Variants in DDR2 observed in about 807,000 individuals in gnomAD.
DDR2 encodes discoidin domain-containing receptor 2.
A neutral mutation model predicts 94.9 loss-of-function variants in DDR2; 27 were observed. That is an observed-to-expected ratio of 0.28 (90% confidence interval 0.21 to 0.39). DDR2 has a LOEUF of 0.39. DDR2 is among the 10% of genes least tolerant of loss of function. The probability of loss-of-function intolerance (pLI) is 1.00; values close to 1 mark genes in which losing one functional copy is unlikely to be tolerated. For synonymous variants in DDR2, 382 were observed against 377.2 expected (o/e 1.01, Z -0.15); for missense variants, 783 against 1,076.0 (o/e 0.73, Z 3.81).
chr1:162,743,290 C>T (rs1662699124), intron 3 of DDR2, among the ~76,000 whole-genome samples: 1 of 152,134 alleles, frequency 6.6e-6, no homozygotes, highest in Admixed American at 6.5e-5. Context: ...CCTCCTTCTT[C>T]AAGCCCATGA....
intron 2 of DDR2, among the ~76,000 whole-genome samples, chr1:162,674,038 G>A (rs1356566291): frequency 2.6e-5 from 4 of 152,106 alleles, no homozygotes; most frequent in Non-Finnish European, 5.9e-5. Flanking sequence ...TCATCTCTGA[G>A]CTCCAGATTA....
Position 162,755,210 on chromosome 1 carries a change from C to A in DDR2, c.472C>A (p.Pro158Thr). 3 of 1,614,100 alleles carry A rather than the reference C, an allele frequency of 1.9e-6. No individual in the cohort carries two copies. The highest frequency in any genetic ancestry group is 2.5e-6 in the Non-Finnish European group (3 of 1,179,998). Residue 158 changes from proline (P) to threonine (T), a missense_variant, in exon 6 of 18, where the codon CCC becomes ACC. By Grantham distance (38) the Pro-to-Thr change is conservative. Transcript: ENST00000367921. ...YDIFLKDLEP[P>T]IVARFVRFIP... ...CATTTTCCTAAAGGACTTGGAGCCG[C>A]CCATTGTAGCCAGATTTGTCCGGTT... is the stretch of plus-strand genomic sequence containing the variant.
intron 2 of DDR2, among the ~76,000 whole-genome samples, chr1:162,701,533 A>G (rs1382341886): frequency 6.6e-6 from 1 of 152,250 alleles, no homozygotes; most frequent in African/African-American, 2.4e-5. Context: ...TGTCAGGCTG[A>G]TGTCAAGTTA....
chr1:162,724,535 T>C (rs998345463), intron 3 of DDR2, among the ~76,000 whole-genome samples: 1 of 152,172 alleles, frequency 6.6e-6, no homozygotes, highest in African/African-American at 2.4e-5. Flanking sequence ...AGGTTGTGCC[T>C]TTATCACCGC....
chr1:162,694,797 A>T (rs900283319), intron 2 of DDR2, among the ~76,000 whole-genome samples: 3 of 152,216 alleles, frequency 2.0e-5, no homozygotes, highest in African/African-American at 4.8e-5. Context: ...CAGTCAAAAC[A>T]TTATTCATCA....
At position 162,755,185 on chromosome 1, in the gene DDR2, C is replaced by T. The variant is rs146062699; in HGVS notation, c.447C>T (p.Asp149=). 3.8e-5 allele frequency: 62 copies of T among 1,614,106 alleles called. No individual in the cohort carries two copies. In the African/African-American group the frequency reaches 4.8e-4, roughly 12 times the overall value. Residue 149 remains aspartate (D), a synonymous_variant, in exon 6 of 18, where the codon GAC becomes GAT. Transcript: ENST00000367921. ...QVLDGNSNPY[D]IFLKDLEPPI... Reference sequence around the variant, plus strand: ...TGGATGGAAATAGTAACCCCTATGACATTTTCCTAAAGGACTTGGAGCCGC... The same window carrying T: ...TGGATGGAAATAGTAACCCCTATGATATTTTCCTAAAGGACTTGGAGCCGC...
intron 2 of DDR2, among the ~76,000 whole-genome samples, chr1:162,680,548 A>G (rs1659351802): frequency 6.6e-6 from 1 of 152,134 alleles, no homozygotes; most frequent in South Asian, 2.1e-4. Flanking sequence ...CCTGCAGTAT[A>G]CTTTGAAGTT....
intron 2 of DDR2, among the ~76,000 whole-genome samples, chr1:162,687,852 A>G (rs1281505031): frequency 6.6e-6 from 1 of 152,172 alleles, no homozygotes; most frequent in African/African-American, 2.4e-5. Context: ...TATGCCAAGC[A>G]TTAATGGGGT....
At position 162,770,505 on chromosome 1, in the gene DDR2, G is replaced by A. The variant is rs779865754; in HGVS notation, c.1497G>A (p.Glu499=). ...RKLPEFAPGE[E]ESGCSGVVKP... is the part of the protein sequence containing the mutation. Reference sequence around the variant, plus strand: ...TCCCAGAATTTGCTCCAGGGGAGGAGGAGTCAGGTGAGGATGATGTGGTGG... The same window carrying A: ...TCCCAGAATTTGCTCCAGGGGAGGAAGAGTCAGGTGAGGATGATGTGGTGG... The change falls in exon 12 of 18, where the codon GAG becomes GAA. Residue 499 remains glutamate, a synonymous_variant. Transcript: ENST00000367921. 3 of 1,613,996 alleles carry A rather than the reference G, an allele frequency of 1.9e-6. No homozygotes were observed. Among genetic ancestry groups the A allele is most frequent in the East Asian group, 2.2e-5 (1 of 44,890 alleles).
At chr1:162,679,912 C>T (rs868528686) in intron 2 of DDR2, among the ~76,000 whole-genome samples, 9 of 152,006 alleles carry the variant, frequency 5.9e-5, no homozygotes, top group Admixed American at 2.6e-4. Context: ...TTTCGTATGC[C>T]TGTTGGCCGC....
intron 2 of DDR2, among the ~76,000 whole-genome samples, chr1:162,683,585 T>G (rs898893234): frequency 1.3e-5 from 2 of 152,156 alleles, no homozygotes; most frequent in Non-Finnish European, 2.9e-5. Context: ...GTGCTAATTT[T>G]AATCACTCAA....
At chr1:162,681,371 G>T (rs1323542898) in intron 2 of DDR2, among the ~76,000 whole-genome samples, 1 of 152,030 alleles carries the variant, frequency 6.6e-6, no homozygotes, top group Non-Finnish European at 1.5e-5. Context: ...CTCCTCTCTG[G>T]TGACAGTGGT....
chr1:162,706,519 G>A (rs972028350), intron 2 of DDR2, among the ~76,000 whole-genome samples: 1 of 152,200 alleles, frequency 6.6e-6, no homozygotes, highest in African/African-American at 2.4e-5. Flanking sequence ...CAAAGGGGCT[G>A]GTAAATGTGA....
intron 2 of DDR2, among the ~76,000 whole-genome samples, chr1:162,701,369 T>A (rs1293323939): frequency 6.6e-6 from 1 of 152,234 alleles, no homozygotes; most frequent in Non-Finnish European, 1.5e-5. Flanking sequence ...TCAGCTCTGG[T>A]ATTTACGTGT....
chr1:162,775,994 G>T lies in DDR2; in HGVS notation c.2049-142G>T, dbSNP rs897579591. On this transcript the variant is annotated intron_variant, in intron 15 of 17. Coordinates refer to ENST00000367921, the MANE Select transcript of DDR2 (RefSeq NM_006182.4). ...GGAATAATGGAGCAGCTGCCCTTTG[G>T]GGAAACGCAAGGGATTCATCAAGAG... 8.3e-6 allele frequency: 11 copies of T among 1,331,898 alleles called. No individual in the cohort carries two copies. The African/African-American group carries it at 1.4e-4, about 17-fold the overall frequency. 82.5% of individuals were successfully genotyped at this position (1,331,898 alleles called of 1,614,324 possible).
At chr1:162,658,883 C>T (rs1181264111) in intron 2 of DDR2, among the ~76,000 whole-genome samples, 1 of 109,174 alleles carries the variant, frequency 9.2e-6, no homozygotes, top group African/African-American at 3.1e-5. Flanking sequence ...AGGGGAGGAA[C>T]CAAGGGCTGA....
chr1:162,707,123 A>T (rs1360617560), intron 2 of DDR2, among the ~76,000 whole-genome samples: 1 of 152,102 alleles, frequency 6.6e-6, no homozygotes, highest in Non-Finnish European at 1.5e-5. Context: ...CTTCCTAGGT[A>T]TGGGGCTAGA....
At chr1:162,673,608 T>A (rs112975986) in intron 2 of DDR2, among the ~76,000 whole-genome samples, 2,834 of 117,092 alleles carry the variant, frequency 0.024, 27 homozygotes, top group Admixed American at 0.033. Context: ...TGTGTGTGTG[T>A]GAGAGAGAGA....
chr1:162,663,326 A>G (rs1658398017), intron 2 of DDR2, among the ~76,000 whole-genome samples: 1 of 152,208 alleles, frequency 6.6e-6, no homozygotes, highest in Non-Finnish European at 1.5e-5. Context: ...AACTAGACAT[A>G]GAGCTCATTG....
Sources: allele counts gnomAD v4.1 joint callset (sites outside exome capture counted in the v4.1 genomes callset), GRCh38; gene constraint gnomAD v4.1.1; transcripts MANE v1.5; gene names NCBI Gene and HGNC (gene_info 2026-07-23, HGNC 2026-07-21).